The following ZNF385B variants were observed in gnomAD, a reference collection of about 807,000 sequenced individuals.
The protein encoded by ZNF385B is zinc finger protein 385B.
Under a neutral mutation model 39.2 loss-of-function variants are expected in ZNF385B, and 23 were observed. The observed-to-expected ratio is 0.59, with a 90% CI of 0.42 to 0.83. The LOEUF (loss-of-function observed/expected upper bound fraction) is 0.83, where lower values mean the gene tolerates loss of function less well. ZNF385B is among the 40% of genes least tolerant of loss of function. ZNF385B has a pLI of 0.00. For missense variants in ZNF385B, 552 were observed against 598.9 expected (o/e 0.92, Z 0.82); for synonymous variants, 205 against 222.6 (o/e 0.92, Z 0.70).
At chr2:179,711,279 G>T (rs1273636116) in intron 3 of ZNF385B, among the ~76,000 whole-genome samples, 2 of 152,164 alleles carry the variant, frequency 1.3e-5, no homozygotes, top group East Asian at 3.8e-4. Context: ...TAACCATGTG[G>T]TTTAATCAAT....
chr2:179,643,966 C>T (rs888576293), intron 3 of ZNF385B, among the ~76,000 whole-genome samples: 5 of 152,012 alleles, frequency 3.3e-5, no homozygotes, highest in Non-Finnish European at 7.4e-5. Context: ...CAAAATCCTG[C>T]GCACCACTCT....
chr2:179,623,661 C>G (rs1315754719), intron 3 of ZNF385B, among the ~76,000 whole-genome samples: 1 of 152,078 alleles, frequency 6.6e-6, no homozygotes, highest in Non-Finnish European at 1.5e-5. Context: ...CATCAGCAGC[C>G]CTGCTCTTAC....
At chr2:179,835,151 G>T (rs1423184721) in intron 1 of ZNF385B, among the ~76,000 whole-genome samples, 2 of 152,182 alleles carry the variant, frequency 1.3e-5, no homozygotes, top group Non-Finnish European at 2.9e-5. Flanking sequence ...GACATGACCG[G>T]ATACACACTG....
intron 3 of ZNF385B, among the ~76,000 whole-genome samples, chr2:179,651,635 A>T (rs1693202176): frequency 1.3e-5 from 2 of 152,302 alleles, no homozygotes; most frequent in South Asian, 2.1e-4. Context: ...AAAATATTTT[A>T]AAAATAAAAC....
chr2:179,623,193 G>A (rs1323232723), intron 3 of ZNF385B, among the ~76,000 whole-genome samples: 3 of 151,914 alleles, frequency 2.0e-5, no homozygotes, highest in African/African-American at 2.4e-5. Flanking sequence ...TTCTAGGTCC[G>A]GAGAATTTAG....
At position 179,699,518 on chromosome 2, in the gene ZNF385B, C is replaced by T. The variant is rs139011146; in HGVS notation, c.298+69985G>A. ...GTTATATATTTTGGGTTTTTCACTA[C>T]ACAATTATTAAATATGTAAATAGTA... On this transcript the variant is annotated intron_variant, in intron 3 of 9. Coordinates refer to ENST00000410066, the MANE Select transcript of ZNF385B (RefSeq NM_152520.6). 8.5e-5 allele frequency among the ~76,000 whole-genome samples: 13 copies of T among 152,268 alleles called. No homozygotes were observed. The East Asian group carries it at 2.3e-3, about 27-fold the overall frequency.
At chr2:179,676,409 A>G (rs1696812526) in intron 3 of ZNF385B, among the ~76,000 whole-genome samples, 1 of 151,646 alleles carries the variant, frequency 6.6e-6, no homozygotes, top group South Asian at 2.1e-4. Flanking sequence ...TATTTTTAGT[A>G]GAGATGGGGT....
Position 179,770,665 on chromosome 2 carries a change from T to C in ZNF385B, c.-147A>G, listed in dbSNP as rs1293406305. The stretch of plus-strand genomic sequence containing the variant: ...TTTAATATTTGATGGAGTTGAAATG[T>C]AGAACATCTGAAATACAAAATAATA... On this transcript the variant is annotated 5_prime_UTR_variant, in exon 2 of 10. Coordinates refer to ENST00000410066, the MANE Select transcript of ZNF385B (RefSeq NM_152520.6). 2.0e-5 allele frequency: 3 copies of C among 152,224 alleles called. No homozygotes were observed. The highest frequency in any genetic ancestry group is 2.9e-5 in the Non-Finnish European group (2 of 68,040). 9.4% of individuals were successfully genotyped at this position (152,224 alleles called of 1,614,324 possible).
intron 3 of ZNF385B, among the ~76,000 whole-genome samples, chr2:179,714,946 A>AAAAAAAAAAAAAAAAAAAAC (rs1700230634): frequency 6.6e-6 from 1 of 150,514 alleles, no homozygotes; most frequent in African/African-American, 2.4e-5. Flanking sequence ...CTATCTCAAA[A>AAAAAAAAAAAAAAAAAAAAC]AAAAAAAAAA....
intron 3 of ZNF385B, among the ~76,000 whole-genome samples, chr2:179,686,205 ACAGCTGTAGTGAGG>A (rs1402987619): frequency 6.6e-6 from 1 of 152,030 alleles, no homozygotes; most frequent in Non-Finnish European, 1.5e-5. Flanking sequence ...GTCCCCTTTA[ACAGCTGTAGTGAGG>A]GACAACCTCT....
chr2:179,859,901 G>A (rs1684904858), intron 1 of ZNF385B, among the ~76,000 whole-genome samples: 1 of 152,126 alleles, frequency 6.6e-6, no homozygotes, highest in South Asian at 2.1e-4. Context: ...TTTGGCCTTG[G>A]AACATTTAAG....
chr2:179,506,131 C>T lies in ZNF385B; in HGVS notation c.552+12397G>A, dbSNP rs2105753476. Among the ~76,000 whole-genome samples, 3 of 152,232 alleles carry T rather than the reference C, an allele frequency of 2.0e-5. No individual in the cohort carries two copies. In the Middle Eastern group the frequency reaches 0.01, roughly 521 times the overall value. The stretch of plus-strand genomic sequence containing the variant: ...TATAAGTTCCTAATGGTGAGGAATC[C>T]TTCAAGCTTGTTTCAGATGCAGTTC... On this transcript the variant is annotated intron_variant, in intron 5 of 9. Transcript: ENST00000410066.
At chr2:179,509,782 T>C (rs180936454) in intron 5 of ZNF385B, among the ~76,000 whole-genome samples, 31 of 152,360 alleles carry the variant, frequency 2.0e-4, no homozygotes, top group African/African-American at 7.0e-4. Flanking sequence ...TATTCATTTA[T>C]TCAACAATTT....
chr2:179,793,632 C>T (rs1705477855), intron 1 of ZNF385B, among the ~76,000 whole-genome samples: 1 of 152,214 alleles, frequency 6.6e-6, no homozygotes, highest in South Asian at 2.1e-4. Flanking sequence ...GAGGCCTCCT[C>T]AGCCATGCGG....
At chr2:179,810,230 G>A (rs1422516862) in intron 1 of ZNF385B, among the ~76,000 whole-genome samples, 1 of 151,712 alleles carries the variant, frequency 6.6e-6, no homozygotes, top group Non-Finnish European at 1.5e-5. Flanking sequence ...TATAAAGGAA[G>A]GACGTTAAGC....
chr2:179,461,572 T>C (rs1344940484), intron 6 of ZNF385B, among the ~76,000 whole-genome samples: 1 of 152,222 alleles, frequency 6.6e-6, no homozygotes, highest in Non-Finnish European at 1.5e-5. Flanking sequence ...GTATTTAGGA[T>C]GCTAATAAAA....
chr2:179,583,974 C>T, intron 3 of ZNF385B: 2 of 1,299,364 alleles, frequency 1.5e-6, no homozygotes, highest in Middle Eastern at 2.1e-4. Context: ...TTCATATTTA[C>T]CGAGCATCTG....
intron 6 of ZNF385B, among the ~76,000 whole-genome samples, chr2:179,451,217 T>C (rs901013628): frequency 8.6e-5 from 13 of 150,632 alleles, no homozygotes; most frequent in Admixed American, 5.3e-4. Flanking sequence ...AACCTGCACG[T>C]TGTGCACATG....
chr2:179,846,839 G>A (rs1708825662), intron 1 of ZNF385B, among the ~76,000 whole-genome samples: 1 of 152,220 alleles, frequency 6.6e-6, no homozygotes, highest in Non-Finnish European at 1.5e-5. Flanking sequence ...CTCACCTAGA[G>A]CAGCTAGGAG....
Sources: allele counts gnomAD v4.1 joint callset (sites outside exome capture counted in the v4.1 genomes callset), GRCh38; gene constraint gnomAD v4.1.1; transcripts MANE v1.5; gene names NCBI Gene and HGNC (gene_info 2026-07-23, HGNC 2026-07-21).